MKLN1: variants seen among roughly 807,000 people sequenced by gnomAD.
MKLN1 encodes muskelin.
In MKLN1, 18 loss-of-function variants were observed where a neutral mutation model predicts 99.0. The ratio of observed to expected loss-of-function variants is 0.18; its 90% CI spans 0.13 to 0.27. MKLN1 has a LOEUF of 0.27. MKLN1 is among the 10% of genes least tolerant of loss of function. The pLI is 1.00. For missense variants in MKLN1, 621 were observed against 875.9 expected (o/e 0.71, Z 3.67); for synonymous variants, 288 against 293.2 (o/e 0.98, Z 0.18).
At chr7:131,451,401 CAT>C (rs1796172999) in intron 12 of MKLN1, among the ~76,000 whole-genome samples, 1 of 151,524 alleles carries the variant, frequency 6.6e-6, no homozygotes, top group Non-Finnish European at 1.5e-5. Flanking sequence ...TGTTTGAGCT[CAT>C]AGAGTAAATT....
intron 2 of MKLN1, among the ~76,000 whole-genome samples, chr7:131,176,911 C>T (rs901728021): frequency 6.6e-6 from 1 of 152,150 alleles, no homozygotes; most frequent in African/African-American, 2.4e-5. Context: ...TGACATGTGG[C>T]ACTAGCAGCT....
intron 3 of MKLN1, among the ~76,000 whole-genome samples, chr7:131,321,151 T>A (rs951080763): frequency 6.6e-6 from 1 of 152,040 alleles, no homozygotes; most frequent in African/African-American, 2.4e-5. Flanking sequence ...CCGCAGCACT[T>A]TACAATAGCA....
intron 3 of MKLN1, among the ~76,000 whole-genome samples, chr7:131,229,763 G>A (rs114502498): frequency 1.6e-4 from 24 of 151,792 alleles, no homozygotes; most frequent in Non-Finnish European, 2.8e-4. Context: ...CATGTTGCCC[G>A]GGCTGGTGTC....
At chr7:131,331,707 T>C (rs1368116847) in intron 1 of MKLN1, among the ~76,000 whole-genome samples, 2 of 152,202 alleles carry the variant, frequency 1.3e-5, no homozygotes, top group African/African-American at 4.8e-5. Flanking sequence ...AGCTGTTCAT[T>C]ATTATACATG....
intron 1 of MKLN1, among the ~76,000 whole-genome samples, chr7:131,114,506 A>G (rs1193094615): frequency 1.3e-5 from 2 of 152,222 alleles, no homozygotes; most frequent in Non-Finnish European, 2.9e-5. Context: ...TTGGAACCCT[A>G]TGAAAACCCT....
intron 5 of MKLN1, 145 bp downstream of exon 5, chr7:131,397,521 C>T: frequency 1.8e-6 from 1 of 548,960 alleles, no homozygotes; most frequent in Non-Finnish European, 3.2e-6. Context: ...TCCAGTCTGC[C>T]AGCTTTTAAG....
chr7:131,342,241 G>A (rs1362266864), intron 1 of MKLN1, among the ~76,000 whole-genome samples: 1 of 151,828 alleles, frequency 6.6e-6, no homozygotes, highest in Non-Finnish European at 1.5e-5. Flanking sequence ...GTGATCATTT[G>A]GGATTAGATC....
intron 15 of MKLN1, among the ~76,000 whole-genome samples, chr7:131,469,170 GTAGA>G (rs528290747): frequency 1.2e-4 from 19 of 152,132 alleles, no homozygotes; most frequent in South Asian, 6.2e-4. Context: ...AGATAGATAG[GTAGA>G]TAGATAGATA....
intron 3 of MKLN1, among the ~76,000 whole-genome samples, chr7:131,232,699 T>C (rs1797260544): frequency 2.0e-5 from 3 of 152,116 alleles, no homozygotes; most frequent in Admixed American, 2.0e-4. Flanking sequence ...TTGAATACAT[T>C]TTTAGTACAT....
At position 131,488,966 on chromosome 7, in the gene MKLN1, C is replaced by T. The variant is rs1797357779; in HGVS notation, c.*1238C>T. 6.6e-6 allele frequency: 1 copy of T among 152,148 alleles called. No individual in the cohort carries two copies. 9.4% of individuals were successfully genotyped at this position (152,148 alleles called of 1,614,324 possible). On this transcript the variant is annotated 3_prime_UTR_variant, in exon 18 of 18. Coordinates refer to ENST00000352689, the MANE Select transcript of MKLN1 (RefSeq NM_013255.5). ...GTGCTGTGGAATGCAATGTGGGAAA[C>T]CTACATCTGGCTAGTGCTTACATTT...
chr7:131,325,230 G>T (rs1023005231), upstream of MKLN1, among the ~76,000 whole-genome samples: 1 of 151,838 alleles, frequency 6.6e-6, no homozygotes. Context: ...TAGAGAGAAA[G>T]AAAGGGGAAA....
At chr7:131,338,018 A>C (rs1410962406) in intron 1 of MKLN1, among the ~76,000 whole-genome samples, 1 of 152,192 alleles carries the variant, frequency 6.6e-6, no homozygotes, top group Non-Finnish European at 1.5e-5. Flanking sequence ...TTTCAGCCTT[A>C]TAAACCTTGT....
At chr7:131,473,400 T>C (rs1167960874) in intron 16 of MKLN1, among the ~76,000 whole-genome samples, 1 of 152,214 alleles carries the variant, frequency 6.6e-6, no homozygotes, top group Non-Finnish European at 1.5e-5. Flanking sequence ...TCATCATCAT[T>C]GTGCCTGTTG....
intron 3 of MKLN1, among the ~76,000 whole-genome samples, chr7:131,216,327 G>T (rs1237758587): frequency 6.6e-6 from 1 of 151,662 alleles, no homozygotes; most frequent in East Asian, 1.9e-4. Context: ...GGAAGCTGAG[G>T]CAGGAGAATC....
intron 4 of MKLN1, among the ~76,000 whole-genome samples, chr7:131,392,639 T>C (rs1794230650): frequency 6.6e-6 from 1 of 151,154 alleles, no homozygotes; most frequent in Admixed American, 6.6e-5. Context: ...AGTTTCACTC[T>C]TGTTGCCTAG....
intron 2 of MKLN1, among the ~76,000 whole-genome samples, chr7:131,386,197 A>T (rs1794016400): frequency 6.6e-6 from 1 of 151,982 alleles, no homozygotes; most frequent in Non-Finnish European, 1.5e-5. Flanking sequence ...TATTTTTAGT[A>T]AAAACGGGGT....
At chr7:131,473,057 C>G (rs780140822) in intron 16 of MKLN1, among the ~76,000 whole-genome samples, 1 of 151,554 alleles carries the variant, frequency 6.6e-6, no homozygotes, top group African/African-American at 2.4e-5. Flanking sequence ...TTGAGAATTA[C>G]TGGTCCATAG....
intron 3 of MKLN1, among the ~76,000 whole-genome samples, chr7:131,249,565 A>G (rs1797545782): frequency 2.0e-5 from 3 of 152,220 alleles, no homozygotes; most frequent in African/African-American, 7.2e-5. Flanking sequence ...AGGAACTGAC[A>G]GTTTAGCAGA....
intron 2 of MKLN1, among the ~76,000 whole-genome samples, chr7:131,148,952 G>A (rs1255000744): frequency 5.9e-5 from 9 of 152,100 alleles, no homozygotes; most frequent in Non-Finnish European, 1.3e-4. Context: ...CTATATGATC[G>A]AAGATATTGT....
Sources: gnomAD v4.1 joint callset for allele counts (sites outside exome capture counted in the v4.1 genomes callset) on GRCh38, gnomAD v4.1.1 for gene constraint, MANE v1.5 for transcripts, NCBI Gene and HGNC (gene_info 2026-07-23, HGNC 2026-07-21) for gene names.